The following KIAA0825 variants were observed in gnomAD, a reference collection of about 807,000 sequenced individuals.
The protein encoded by KIAA0825 is uncharacterized protein KIAA0825.
A neutral mutation model predicts 147.6 loss-of-function variants in KIAA0825; 119 were observed. The observed-to-expected ratio is 0.81, with a 90% CI of 0.69 to 0.94. The LOEUF (loss-of-function observed/expected upper bound fraction) is 0.94, where lower values mean the gene tolerates loss of function less well. KIAA0825 is among the 40% of genes least tolerant of loss of function. The pLI is 0.00. For missense variants in KIAA0825, 1,381 were observed against 1,472.7 expected, an observed-to-expected ratio of 0.94 and a Z score of 1.02; for synonymous variants, 470 against 518.1, an observed-to-expected ratio of 0.91 and a Z score of 1.26.
chr5:94,271,263 A>C (rs1246602585), intron 20 of KIAA0825, among the ~76,000 whole-genome samples: 1 of 152,152 alleles, frequency 6.6e-6, no homozygotes, highest in Admixed American at 6.5e-5. Context: ...AAAATGGACA[A>C]ATGGGATCAC....
At chr5:94,533,115 A>C (rs1771188624) in intron 3 of KIAA0825, among the ~76,000 whole-genome samples, 1 of 150,478 alleles carries the variant, frequency 6.6e-6, no homozygotes, top group Admixed American at 6.7e-5. Flanking sequence ...AGTAGCTGGG[A>C]CTACAGGCGC....
intron 16 of KIAA0825, among the ~76,000 whole-genome samples, chr5:94,399,037 T>G (rs965571442): frequency 1.3e-5 from 2 of 152,160 alleles, no homozygotes; most frequent in African/African-American, 4.8e-5. Context: ...AAAAACTAGA[T>G]CCAACACATA....
At chr5:94,470,160 T>G (rs778906132) in intron 9 of KIAA0825, 49 bp from the exon 10 acceptor site, 1 of 1,409,100 alleles carries the variant, frequency 7.1e-7, no homozygotes, top group South Asian at 1.5e-5. Context: ...GCCTGTGCAG[T>G]AGGAGATAAC....
intron 13 of KIAA0825, among the ~76,000 whole-genome samples, chr5:94,450,253 CT>C (rs1047572325): frequency 4.0e-5 from 6 of 149,464 alleles, no homozygotes; most frequent in African/African-American, 9.9e-5. Context: ...TCTATATGTA[CT>C]TTTTTTTGTG....
At chr5:94,476,416 T>C (rs940459533) in intron 7 of KIAA0825, among the ~76,000 whole-genome samples, 7 of 152,024 alleles carry the variant, frequency 4.6e-5, no homozygotes, top group Admixed American at 6.6e-5. Context: ...GGGCTACCAG[T>C]CGAAGCTAAA....
At chr5:94,423,320 GC>G (rs541771897) in intron 14 of KIAA0825, among the ~76,000 whole-genome samples, 13 of 152,226 alleles carry the variant, frequency 8.5e-5, no homozygotes, top group Admixed American at 8.5e-4. Flanking sequence ...AATTTCATTT[GC>G]CTTCTTTATC....
intron 17 of KIAA0825, among the ~76,000 whole-genome samples, chr5:94,395,632 G>T (rs989707118): frequency 2.6e-5 from 4 of 152,070 alleles, no homozygotes; most frequent in Admixed American, 1.3e-4. Context: ...TGCCCTCTGG[G>T]ATTCTTACAT....
chr5:94,230,516 G>T (rs1169578652), intron 20 of KIAA0825, among the ~76,000 whole-genome samples: 1 of 152,022 alleles, frequency 6.6e-6, no homozygotes. Context: ...TCTTGCACTT[G>T]TTTTATGTTT....
intron 20 of KIAA0825, among the ~76,000 whole-genome samples, chr5:94,159,564 A>C (rs1767354114): frequency 6.6e-6 from 1 of 152,142 alleles, no homozygotes; most frequent in South Asian, 2.1e-4. Context: ...ATAATATAAT[A>C]TTGCAATAAA....
At chr5:94,493,608 C>G (rs1763982083) in intron 5 of KIAA0825, among the ~76,000 whole-genome samples, 1 of 152,170 alleles carries the variant, frequency 6.6e-6, no homozygotes, top group Admixed American at 6.5e-5. Context: ...CCTGCCTCAG[C>G]CTCCCTAGTG....
chr5:94,396,137 C>A lies in KIAA0825; in HGVS notation c.3260G>T (p.Arg1087Leu), dbSNP rs1433793562. The A allele has an allele frequency of 1.3e-6, 2 of 1,508,496 alleles. No homozygotes were observed. Among genetic ancestry groups the A allele is most frequent in the Non-Finnish European group, 1.8e-6 (2 of 1,129,326 alleles). The allele number at this position is 1,508,496 out of a possible 1,614,324, so 93.4% of individuals were successfully genotyped here. A position where few individuals can be genotyped will look rare whatever the true frequency, so the allele number is the denominator to read the frequency against. The change falls in exon 17 of 21, where the codon CGT becomes CTT. Residue 1087 changes from arginine (R) to leucine (L), a missense_variant. Physicochemically the swap from Arg to Leu is moderately radical, Grantham distance 102. Coordinates refer to ENST00000682413, the MANE Select transcript of KIAA0825 (RefSeq NM_001145678.3). ...CAGTTTCCTTGCTTTCAACAATTGA[C>A]GTTCAATCCAGTTGGGCTTCTGCTG... is the stretch of plus-strand genomic sequence containing the variant. ...IEQQKPNWIERQLLKARKLST... is the reference protein window; with the variant it reads ...IEQQKPNWIELQLLKARKLST...
At chr5:94,563,158 G>A (rs1015963104) in intron 2 of KIAA0825, among the ~76,000 whole-genome samples, 3 of 150,952 alleles carry the variant, frequency 2.0e-5, no homozygotes, top group Non-Finnish European at 2.9e-5. Flanking sequence ...TGGCTAACAC[G>A]GTGAAACCCC....
At chr5:94,164,605 G>A (rs1767871173) in intron 20 of KIAA0825, among the ~76,000 whole-genome samples, 1 of 152,000 alleles carries the variant, frequency 6.6e-6, no homozygotes, top group Non-Finnish European at 1.5e-5. Flanking sequence ...TAGAGATGGG[G>A]TTTCACCGTG....
rs754552696 is a variant in KIAA0825 at position 94,434,112 on chromosome 5, TAAG to T, written c.2497+5867_2497+5869del. ...GTTGAGAGTTTCTTCCCTGCAGATT[TAAG>T]ATGACCTAACTTAAAACCAAGAAAC... On this transcript the variant is annotated intron_variant, in intron 14 of 20. Transcript: ENST00000682413. 1.8e-3 allele frequency among the ~76,000 whole-genome samples: 272 copies of T among 152,344 alleles called. 2 individuals are homozygous for T. The highest frequency in any genetic ancestry group is 5.9e-3 in the African/African-American group (244 of 41,578).
intron 20 of KIAA0825, among the ~76,000 whole-genome samples, chr5:94,210,126 T>C (rs1303796522): frequency 6.6e-6 from 1 of 152,178 alleles, no homozygotes; most frequent in Non-Finnish European, 1.5e-5. Flanking sequence ...TTGTGGAGCA[T>C]GATTATGACC....
At chr5:94,535,719 G>A (rs1022195645) in intron 3 of KIAA0825, among the ~76,000 whole-genome samples, 2 of 152,088 alleles carry the variant, frequency 1.3e-5, no homozygotes, top group Non-Finnish European at 2.9e-5. Flanking sequence ...GAGAGTAAGA[G>A]CCTAACTTCA....
intron 2 of KIAA0825, among the ~76,000 whole-genome samples, chr5:94,572,575 G>T (rs1780179798): frequency 6.6e-6 from 1 of 151,968 alleles, no homozygotes; most frequent in African/African-American, 2.4e-5. Flanking sequence ...CGAAAAATCT[G>T]CAATTCATTA....
At chr5:94,538,704 T>C (rs1242257399) in intron 2 of KIAA0825, among the ~76,000 whole-genome samples, 2 of 152,220 alleles carry the variant, frequency 1.3e-5, no homozygotes, top group East Asian at 1.9e-4. Flanking sequence ...TTGATACATA[T>C]TGGCAGCTAG....
intron 20 of KIAA0825, among the ~76,000 whole-genome samples, chr5:94,376,642 C>T (rs1747621326): frequency 6.6e-6 from 1 of 152,078 alleles, no homozygotes; most frequent in Non-Finnish European, 1.5e-5. Flanking sequence ...ACAAACCATG[C>T]TGCTGTAGAT....
Sources: gnomAD v4.1 joint callset for allele counts (sites outside exome capture counted in the v4.1 genomes callset) on GRCh38, gnomAD v4.1.1 for gene constraint, MANE v1.5 for transcripts, NCBI Gene and HGNC (gene_info 2026-07-23, HGNC 2026-07-21) for gene names.